MOB3B: variants seen among roughly 807,000 people sequenced by gnomAD.
MOB3B encodes the protein MOB kinase activator 3B.
In MOB3B, 7 loss-of-function variants were observed where a neutral mutation model predicts 18.7. The ratio of observed to expected loss-of-function variants is 0.37; its 90% CI spans 0.21 to 0.70. The LOEUF is 0.70. Ranked by LOEUF, MOB3B falls within the 30% of genes least tolerant of loss-of-function variation. The pLI is 0.52. For synonymous variants in MOB3B, 111 were observed against 99.9 expected, an observed-to-expected ratio of 1.11 and a Z score of -0.66; for missense variants, 253 against 281.3, an observed-to-expected ratio of 0.90 and a Z score of 0.72.
At chr9:27,343,919 G>A (rs914548572) in intron 3 of MOB3B, among the ~76,000 whole-genome samples, 1 of 151,408 alleles carries the variant, frequency 6.6e-6, no homozygotes, top group African/African-American at 2.4e-5. Flanking sequence ...CAATTCATAT[G>A]TGAAGAAACA....
chr9:27,422,519 C>T (rs1423797191), intron 2 of MOB3B, among the ~76,000 whole-genome samples: 5 of 152,178 alleles, frequency 3.3e-5, no homozygotes, highest in African/African-American at 1.2e-4. Context: ...ACCAAGATGC[C>T]ATATTTAATC....
intron 1 of MOB3B, among the ~76,000 whole-genome samples, chr9:27,521,645 T>C (rs1222736655): frequency 2.0e-5 from 3 of 152,192 alleles, no homozygotes; most frequent in Admixed American, 2.0e-4. Context: ...ATATGAGGTA[T>C]GTAAAAAGCC....
At chr9:27,460,827 A>C (rs1241004068) in intron 1 of MOB3B, among the ~76,000 whole-genome samples, 4 of 152,224 alleles carry the variant, frequency 2.6e-5, no homozygotes, top group Non-Finnish European at 4.4e-5. Flanking sequence ...AGCTGACTTA[A>C]CTGAATGTTT....
chr9:27,341,638 A>G (rs888518675), intron 3 of MOB3B, among the ~76,000 whole-genome samples: 15 of 152,218 alleles, frequency 9.9e-5, no homozygotes, highest in African/African-American at 3.6e-4. Flanking sequence ...TCAAGCTCTC[A>G]CAGAGAGAAA....
chr9:27,445,794 G>A (rs1236720941), intron 2 of MOB3B, among the ~76,000 whole-genome samples: 2 of 152,086 alleles, frequency 1.3e-5, no homozygotes, highest in African/African-American at 4.8e-5. Context: ...TCAGGCATTA[G>A]GGTAATCTTC....
In MOB3B at chr9:27,419,039, C is replaced by A. The variant is rs191019125; in HGVS notation, c.418+36094G>T. 2.8e-5 allele frequency among the ~76,000 whole-genome samples: 4 copies of A among 141,436 alleles called. No homozygotes were observed. In the Admixed American group the frequency reaches 3.0e-4, roughly 11 times the overall value. 92.8% of individuals were successfully genotyped at this position (141,436 alleles called of 152,430 possible). On this transcript the variant is annotated intron_variant, in intron 2 of 3. Transcript: ENST00000262244. ...CAAGCGGGGAATCAAATCAAGAACT[C>A]AACCCCTTTTACGATAGCTGCAAAA...
chr9:27,528,575 C>G (rs1272307017), intron 1 of MOB3B, among the ~76,000 whole-genome samples: 1 of 152,242 alleles, frequency 6.6e-6, no homozygotes, highest in African/African-American at 2.4e-5. Flanking sequence ...ACTTTCCCAG[C>G]TGGGATCCCC....
At chr9:27,431,138 T>G (rs115580689) in intron 2 of MOB3B, among the ~76,000 whole-genome samples, 2,490 of 152,326 alleles carry the variant, frequency 0.016, 39 homozygotes, top group African/African-American at 0.038. Context: ...AAAATGATTT[T>G]CTACCCTTAA....
intron 2 of MOB3B, among the ~76,000 whole-genome samples, chr9:27,451,404 A>G (rs1822780225): frequency 6.6e-6 from 1 of 152,232 alleles, no homozygotes; most frequent in Non-Finnish European, 1.5e-5. Context: ...ACTATGGTTT[A>G]CAAGGTATCC....
chr9:27,439,954 G>A (rs1166295841), intron 2 of MOB3B, among the ~76,000 whole-genome samples: 1 of 152,024 alleles, frequency 6.6e-6, no homozygotes, highest in Non-Finnish European at 1.5e-5. Flanking sequence ...GGTGGTGGGG[G>A]GTAAGGCTGT....
chr9:27,506,689 C>A (rs532378334), intron 1 of MOB3B, among the ~76,000 whole-genome samples: 1 of 151,886 alleles, frequency 6.6e-6, no homozygotes, highest in South Asian at 2.1e-4. Context: ...CGCCACCACG[C>A]CCGGCTAATT....
chr9:27,454,641 A>G (rs535224389), intron 2 of MOB3B, among the ~76,000 whole-genome samples: 4 of 152,324 alleles, frequency 2.6e-5, no homozygotes, highest in African/African-American at 9.6e-5. Context: ...TTAACAACCT[A>G]TGATTAGAAG....
At chr9:27,341,324 C>G (rs911406039) in intron 3 of MOB3B, among the ~76,000 whole-genome samples, 1 of 152,172 alleles carries the variant, frequency 6.6e-6, no homozygotes. Context: ...AAGAATTTAC[C>G]TCCCCTGGGA....
chr9:27,456,103 C>A (rs1354432204), intron 1 of MOB3B, among the ~76,000 whole-genome samples: 1 of 152,150 alleles, frequency 6.6e-6, no homozygotes, highest in African/African-American at 2.4e-5. Context: ...CCCCACCCCC[C>A]AACAACTCCT....
At chr9:27,439,183 G>T (rs1822559652) in intron 2 of MOB3B, among the ~76,000 whole-genome samples, 1 of 152,072 alleles carries the variant, frequency 6.6e-6, no homozygotes, top group African/African-American at 2.4e-5. Context: ...GAGGAAACAA[G>T]GTTAACAGAC....
At chr9:27,348,657 TAA>T (rs556877171) in intron 3 of MOB3B, among the ~76,000 whole-genome samples, 5 of 129,508 alleles carry the variant, frequency 3.9e-5, no homozygotes, top group African/African-American at 2.7e-5. Flanking sequence ...CATCTCAAAA[TAA>T]AAAAAAAAAA....
intron 1 of MOB3B, among the ~76,000 whole-genome samples, chr9:27,456,303 G>T (rs1001457322): frequency 1.3e-5 from 2 of 152,174 alleles, no homozygotes; most frequent in African/African-American, 4.8e-5. Context: ...GTTGAATCTT[G>T]CTTGGACCGT....
At chr9:27,388,209 G>A (rs867199800) in intron 2 of MOB3B, among the ~76,000 whole-genome samples, 5 of 152,126 alleles carry the variant, frequency 3.3e-5, no homozygotes, top group Non-Finnish European at 5.9e-5. Context: ...TAACTTCCAG[G>A]TACCCAAGAG....
At chr9:27,426,677 A>G (rs904938895) in intron 2 of MOB3B, among the ~76,000 whole-genome samples, 7 of 152,178 alleles carry the variant, frequency 4.6e-5, no homozygotes, top group African/African-American at 1.7e-4. Flanking sequence ...AATACATGAC[A>G]CTGTCCCCCC....
Sources: allele counts gnomAD v4.1 joint callset (sites outside exome capture counted in the v4.1 genomes callset), GRCh38; gene constraint gnomAD v4.1.1; transcripts MANE v1.5; gene names NCBI Gene and HGNC (gene_info 2026-07-23, HGNC 2026-07-21).